Variants in INA observed in about 807,000 individuals in gnomAD.
INA encodes the protein internexin neuronal intermediate filament protein alpha.
Under a neutral mutation model 40.1 loss-of-function variants are expected in INA, and 35 were observed. The observed-to-expected ratio is 0.87, with a 90% CI of 0.67 to 1.16. INA has a LOEUF of 1.16. Ranked by LOEUF, INA falls within the 50% of genes most tolerant of loss-of-function variation. INA has a pLI of 0.00. For missense variants in INA, 594 were observed against 686.7 expected, an observed-to-expected ratio of 0.87 and a Z score of 1.51; for synonymous variants, 290 against 316.9, an observed-to-expected ratio of 0.92 and a Z score of 0.90.
At chr10:103,280,128 A>C in intron 1 of INA, 1 of 985,450 alleles carries the variant, frequency 1.0e-6, no homozygotes, top group Non-Finnish European at 1.2e-6. Flanking sequence ...GGCTTTCATC[A>C]TTAGACAATG....
In INA at chr10:103,277,152, A is replaced by C. The variant is rs1389964556; in HGVS notation, c.-60A>C. On this transcript the variant is annotated 5_prime_UTR_variant, in exon 1 of 3. Coordinates refer to ENST00000369849, the MANE Select transcript of INA (RefSeq NM_032727.4). This position sits in a 1 kb window ranked among gnomAD's most constrained non-coding sequence, Gnocchi z 5.6. ...CGCCCCGCCGCGCCCTGCCTGCCGCACCTCTCCTTTCTTCTGTAGCTCGCG... is the reference window on the plus strand; with the variant it reads ...CGCCCCGCCGCGCCCTGCCTGCCGCCCCTCTCCTTTCTTCTGTAGCTCGCG... 3.4e-6 allele frequency: 5 copies of C among 1,484,376 alleles called. No homozygotes were observed. The African/African-American group carries it at 7.4e-5, about 22-fold the overall frequency. The allele number at this position is 1,484,376 out of a possible 1,614,324, so 92.0% of individuals were successfully genotyped here. A position where few individuals can be genotyped will look rare whatever the true frequency, so the allele number is the denominator to read the frequency against.
chr10:103,277,321 G>A lies in INA; in HGVS notation c.110G>A (p.Gly37Asp). The A allele has an allele frequency of 6.3e-7, 1 of 1,584,146 alleles. No homozygotes were observed. The highest frequency in any genetic ancestry group is 8.5e-7 in the Non-Finnish European group (1 of 1,170,802). Residue 37 changes from glycine to aspartate, a missense_variant, in exon 1 of 3, where the codon GGC (glycine) becomes GAC (aspartate). Gly to Asp is a moderately conservative substitution (Grantham distance 94). Around this residue, in one of 2 missense-constraint regions of INA, gnomAD observed 215 missense variants for 190.6 expected, o/e 1.13. Transcript: ENST00000369849. The surrounding 1 kb of genome is among the most constrained non-coding windows in gnomAD (Gnocchi z 5.6). ...CTCTCTGGGGCCGGCGGCGCGGGCG[G>A]CTTCCGCTCGCAGTCGCTGTCCCGC... Reference protein sequence around the residue: ...ARLSGAGGAGGFRSQSLSRSN... With the variant: ...ARLSGAGGAGDFRSQSLSRSN...
At position 103,278,097 on chromosome 10, in the gene INA, G is replaced by A; in HGVS notation, c.886G>A (p.Glu296Lys). ...WYKSKFANLN[E>K]QAARSTEAIR... ...CAAGTCCAAGTTTGCCAACCTGAAC[G>A]AGCAGGCGGCGCGCAGCACCGAGGC... Residue 296 changes from glutamate (E) to lysine (K), a missense_variant, in exon 1 of 3, where the codon GAG becomes AAG. Transcript: ENST00000369849. The surrounding 1 kb of genome is among the most constrained non-coding windows in gnomAD (Gnocchi z 4.9). 3.1e-6 allele frequency: 5 copies of A among 1,613,460 alleles called. No homozygotes were observed. Among genetic ancestry groups the A allele is most frequent in the Non-Finnish European group, 4.2e-6 (5 of 1,179,918 alleles).
rs1435160277 is a variant in INA at position 103,277,274 on chromosome 10, T to C, written c.63T>C (p.Asp21=). ...SSSSYRKVFG[D]GSRLSARLSG... is the part of the protein sequence containing the mutation. ...CCTCCTACCGCAAGGTGTTCGGGGA[T>C]GGCTCTCGCCTGTCCGCCCGCCTCT... Residue 21 remains aspartate (D), a synonymous_variant, in exon 1 of 3, where the codon GAT becomes GAC. Coordinates refer to ENST00000369849, the MANE Select transcript of INA (RefSeq NM_032727.4). The surrounding 1 kb of genome is among the most constrained non-coding windows in gnomAD (Gnocchi z 5.6). 6.3e-7 allele frequency: 1 copy of C among 1,592,248 alleles called. No homozygotes were observed. Among genetic ancestry groups the C allele is most frequent in the Non-Finnish European group, 8.5e-7 (1 of 1,173,732 alleles).
chr10:103,283,907 C>T (rs1424118440), intron 1 of INA, among the ~76,000 whole-genome samples: 2 of 151,866 alleles, frequency 1.3e-5, no homozygotes, highest in African/African-American at 2.4e-5. Flanking sequence ...CACGCCACCA[C>T]GCCCAGCTAA....
Position 103,277,346 on chromosome 10 carries a change from C to T in INA, c.135C>T (p.Arg45=), listed in dbSNP as rs542471919. The change falls in exon 1 of 3, where the codon CGC becomes CGT. Residue 45 remains arginine, a synonymous_variant. Transcript: ENST00000369849. This position sits in a 1 kb window ranked among gnomAD's most constrained non-coding sequence, Gnocchi z 5.6. ...AGGFRSQSLS[R]SNVASSAACS... Reference sequence around the variant, plus strand: ...GCTTCCGCTCGCAGTCGCTGTCCCGCAGCAATGTGGCCTCCTCGGCCGCCT... The same window carrying T: ...GCTTCCGCTCGCAGTCGCTGTCCCGTAGCAATGTGGCCTCCTCGGCCGCCT... 3.2e-6 allele frequency: 5 copies of T among 1,581,278 alleles called. No homozygotes were observed. The highest frequency in any genetic ancestry group is 1.7e-5 in the Admixed American group (1 of 57,698).
Position 103,288,431 on chromosome 10 carries a change from C to T in INA, c.1262C>T (p.Pro421Leu). 1 of 1,613,760 alleles carries T rather than the reference C, an allele frequency of 6.2e-7. No homozygotes were observed. Among genetic ancestry groups the T allele is most frequent in the South Asian group, 1.1e-5 (1 of 91,040 alleles). The part of the protein sequence containing the change: ...GLSISGLNPL[P>L]NPSYLLPPRI... ...AGCATTTCGGGGCTGAATCCACTTC[C>T]CAATCCAAGTTACCTGCTCCCACCT... is the stretch of plus-strand genomic sequence containing the variant. Residue 421 changes from proline to leucine, a missense_variant, in exon 3 of 3, where the codon CCC becomes CTC. By Grantham distance (98) the Pro-to-Leu change is moderately conservative (BLOSUM62 -3). Coordinates refer to ENST00000369849, the MANE Select transcript of INA (RefSeq NM_032727.4).
intron 1 of INA, among the ~76,000 whole-genome samples, chr10:103,282,373 C>T (rs770486098): frequency 2.0e-5 from 3 of 152,206 alleles, no homozygotes; most frequent in Non-Finnish European, 4.4e-5. Flanking sequence ...CTACTGCCCC[C>T]AGCCTATTCA....
At position 103,277,777 on chromosome 10, in the gene INA, G is replaced by T; in HGVS notation, c.566G>T (p.Arg189Leu). The T allele has an allele frequency of 6.7e-7, 1 of 1,493,112 alleles. No individual in the cohort carries two copies. The highest frequency in any genetic ancestry group is 8.8e-7 in the Non-Finnish European group (1 of 1,130,534). The allele number at this position is 1,493,112 out of a possible 1,614,324, so 92.5% of individuals were successfully genotyped here. ...RARCEEESRG[R>L]EGAERALKAQ... Reference sequence around the variant, plus strand: ...CGCTGCGAGGAGGAGAGCCGCGGACGCGAAGGCGCCGAGCGCGCCCTGAAG... The same window carrying T: ...CGCTGCGAGGAGGAGAGCCGCGGACTCGAAGGCGCCGAGCGCGCCCTGAAG... Residue 189 changes from arginine (R) to leucine (L), a missense_variant, in exon 1 of 3, where the codon CGC becomes CTC. Physicochemically the swap from Arg to Leu is moderately radical, Grantham distance 102 (BLOSUM62 -2). Transcript: ENST00000369849. The surrounding 1 kb of genome is among the most constrained non-coding windows in gnomAD (Gnocchi z 5.6).
chr10:103,283,571 A>C lies in INA; in HGVS notation c.1066-3464A>C, dbSNP rs538067403. Reference sequence around the variant, plus strand: ...GTATTCCTGTCAATATTTATAGAACAGGTAGGTGGTATGAATTTTAATTCT... The same window carrying C: ...GTATTCCTGTCAATATTTATAGAACCGGTAGGTGGTATGAATTTTAATTCT... On this transcript the variant is annotated intron_variant, in intron 1 of 2. Transcript: ENST00000369849. Among the ~76,000 whole-genome samples the C allele has an allele frequency of 3.3e-5, 5 of 152,306 alleles. No homozygotes were observed. In the East Asian group the frequency reaches 9.6e-4, roughly 29 times the overall value.
chr10:103,284,385 C>T (rs2093080210), intron 1 of INA, among the ~76,000 whole-genome samples: 1 of 152,136 alleles, frequency 6.6e-6, no homozygotes, highest in African/African-American at 2.4e-5. Context: ...AATTAGCCAG[C>T]CTAAAACATC....
intron 1 of INA, chr10:103,280,258 C>G: frequency 1.0e-6 from 1 of 985,420 alleles, no homozygotes; most frequent in Non-Finnish European, 1.2e-6. Flanking sequence ...CCACAGAGGA[C>G]CTGCTGATGG....
At chr10:103,287,206 G>C in intron 2 of INA, 47 bp downstream of exon 2, 2 of 1,585,486 alleles carry the variant, frequency 1.3e-6, no homozygotes, top group Non-Finnish European at 1.7e-6. Context: ...TCACCTAGGG[G>C]CAATGCTGCC....
chr10:103,278,903 G>GCACACACACACACACACA lies in INA; in HGVS notation c.1065+641_1065+658dup, dbSNP rs369168949. ...ACACACACGATTCCCTTGTCCACCA[G>GCACACACACACACACACA]CACACACACACACACACACACACAC... On this transcript the variant is annotated intron_variant, in intron 1 of 2. Coordinates refer to ENST00000369849, the MANE Select transcript of INA (RefSeq NM_032727.4). The surrounding 1 kb of genome is among the most constrained non-coding windows in gnomAD (Gnocchi z 4.9). Among the ~76,000 whole-genome samples, 1,721 of 136,802 alleles carry GCACACACACACACACACA rather than the reference G, an allele frequency of 0.013. 28 individuals carry two copies. The highest frequency in any genetic ancestry group is 0.02 in the African/African-American group (749 of 36,670). 89.7% of individuals were successfully genotyped at this position (136,802 alleles called of 152,430 possible).
At chr10:103,284,011 C>T (rs1325221514) in intron 1 of INA, among the ~76,000 whole-genome samples, 1 of 151,978 alleles carries the variant, frequency 6.6e-6, no homozygotes, top group Non-Finnish European at 1.5e-5. Flanking sequence ...TCAGGTGATC[C>T]ACCCGCCTCA....
At position 103,278,365 on chromosome 10, in the gene INA, A is replaced by G. The variant is rs1419354243; in HGVS notation, c.1065+89A>G. ...CTGGTAAAACTGGGCCCCAGGACTT[A>G]AGGGGAGGGCAAAAGAGAGGAGAGA... is the stretch of plus-strand genomic sequence containing the variant. On this transcript the variant is annotated intron_variant, in intron 1 of 2. Coordinates refer to ENST00000369849, the MANE Select transcript of INA (RefSeq NM_032727.4). The surrounding 1 kb of genome is among the most constrained non-coding windows in gnomAD (Gnocchi z 4.9). The G allele has an allele frequency of 2.7e-6, 3 of 1,103,174 alleles. No homozygotes were observed. Among genetic ancestry groups the G allele is most frequent in the African/African-American group, 3.2e-5 (2 of 63,004 alleles). 68.3% of individuals were successfully genotyped at this position (1,103,174 alleles called of 1,614,324 possible).
chr10:103,277,858 AGGT>A lies in INA; in HGVS notation c.650_652del (p.Val217del). The stretch of plus-strand genomic sequence containing the variant: ...CTGGCCCGCCTGGACCTGGAGAAGA[AGGT>A]GGAGTCGCTGCTGGACGAGCTGGCC... On this transcript the variant is annotated inframe_deletion, in exon 1 of 3. Coordinates refer to ENST00000369849, the MANE Select transcript of INA (RefSeq NM_032727.4). This position sits in a 1 kb window ranked among gnomAD's most constrained non-coding sequence, Gnocchi z 5.6. 2 of 1,548,488 alleles carry A rather than the reference AGGT, an allele frequency of 1.3e-6. No homozygotes were observed. Among genetic ancestry groups the A allele is most frequent in the African/African-American group, 2.7e-5 (2 of 73,158 alleles).
At chr10:103,281,305 A>T (rs2093071948) in intron 1 of INA, among the ~76,000 whole-genome samples, 1 of 152,142 alleles carries the variant, frequency 6.6e-6, no homozygotes, top group Admixed American at 6.5e-5. Context: ...AAAAAATTTA[A>T]ACTAGTGGAT....
At chr10:103,280,542 T>A in intron 1 of INA, 1 of 985,438 alleles carries the variant, frequency 1.0e-6, no homozygotes, top group South Asian at 4.7e-5. Context: ...CAGAGATTAG[T>A]GGTAGGGCCA....
Sources: allele counts gnomAD v4.1 joint callset (sites outside exome capture counted in the v4.1 genomes callset), GRCh38; gene constraint gnomAD v4.1.1; regional missense constraint gnomAD v4.1.1; non-coding constraint Gnocchi (gnomAD v3.1); transcripts MANE v1.5; gene names NCBI Gene and HGNC (gene_info 2026-07-23, HGNC 2026-07-21).